The following NEBL variants were observed in gnomAD, a reference collection of about 807,000 sequenced individuals.
NEBL encodes the protein nebulette.
NEBL carries 122 observed loss-of-function variants against 140.2 expected under a neutral mutation model. The ratio of observed to expected loss-of-function variants is 0.87; its 90% CI spans 0.75 to 1.01. NEBL has a LOEUF of 1.01. Ranked by LOEUF, NEBL falls within the 50% of genes least tolerant of loss-of-function variation. The probability of loss-of-function intolerance (pLI) is 0.00; values close to 1 mark genes in which losing one functional copy is unlikely to be tolerated. For synonymous variants in NEBL, 436 were observed against 398.9 expected, an observed-to-expected ratio of 1.09 and a Z score of -1.11; for missense variants, 1,365 against 1,231.3, an observed-to-expected ratio of 1.11 and a Z score of -1.62.
chr10:21,237,115 C>A (rs1842363984), intron 3 of NEBL, among the ~76,000 whole-genome samples: 1 of 152,212 alleles, frequency 6.6e-6, no homozygotes, highest in Non-Finnish European at 1.5e-5. Context: ...CTTAAATAAC[C>A]TCCTCCATAA....
intron 3 of NEBL, among the ~76,000 whole-genome samples, chr10:21,228,791 G>C (rs1002947238): frequency 2.0e-5 from 3 of 152,060 alleles, no homozygotes. Flanking sequence ...TGAAACCTTT[G>C]CCCCAACTGC....
At chr10:20,973,352 A>G (rs1836662364) in intron 3 of NEBL, among the ~76,000 whole-genome samples, 1 of 151,664 alleles carries the variant, frequency 6.6e-6, no homozygotes, top group South Asian at 2.1e-4. Flanking sequence ...AGCTCAAGCA[A>G]TCCTCCCACC....
intron 4 of NEBL, among the ~76,000 whole-genome samples, chr10:20,925,369 C>A (rs1227812537): frequency 6.6e-6 from 1 of 152,070 alleles, no homozygotes; most frequent in Non-Finnish European, 1.5e-5. Flanking sequence ...TAGGAATACT[C>A]TGAAACAGCA....
chr10:21,073,617 C>CA (rs10594967), intron 2 of NEBL, among the ~76,000 whole-genome samples: 793 of 76,222 alleles, frequency 0.01, 6 homozygotes, highest in East Asian at 0.018. Context: ...ACTCTGTCGT[C>CA]AAAAAAAAAA....
At chr10:21,137,572 GGTCT>G (rs1433575267) in intron 2 of NEBL, among the ~76,000 whole-genome samples, 2 of 152,118 alleles carry the variant, frequency 1.3e-5, no homozygotes, top group Admixed American at 6.6e-5. Context: ...ATCCACTCAA[GGTCT>G]TGGTCACTGA....
intron 2 of NEBL, among the ~76,000 whole-genome samples, chr10:21,156,701 T>A (rs1207570764): frequency 6.6e-6 from 1 of 152,064 alleles, no homozygotes; most frequent in Non-Finnish European, 1.5e-5. Flanking sequence ...CATTGCTTAA[T>A]AAAATAATAA....
At chr10:21,102,439 C>G (rs993360833) in intron 2 of NEBL, among the ~76,000 whole-genome samples, 4 of 152,170 alleles carry the variant, frequency 2.6e-5, no homozygotes, top group African/African-American at 9.7e-5. Context: ...TACCCACTAA[C>G]CCAAACCCAG....
intron 3 of NEBL, among the ~76,000 whole-genome samples, chr10:21,242,117 A>G (rs1842447645): frequency 6.6e-6 from 1 of 152,114 alleles, no homozygotes; most frequent in South Asian, 2.1e-4. Flanking sequence ...TGGGAGAATC[A>G]CTTGAGCCTG....
At chr10:20,899,524 G>T, upstream of NEBL, 1 of 793,684 alleles carries the variant, frequency 1.3e-6, no homozygotes, top group Non-Finnish European at 1.7e-6. Flanking sequence ...CGTGCAATGT[G>T]AACACAAATT....
At chr10:20,787,348 G>A (rs770920158) in intron 26 of NEBL, 40 bp from the exon 27 acceptor site, 2 of 1,520,948 alleles carry the variant, frequency 1.3e-6, no homozygotes, top group Admixed American at 3.5e-5. Context: ...ATTCCTTAAA[G>A]TTAGCCTCGA....
chr10:20,930,777 C>G (rs1447064556), intron 4 of NEBL, among the ~76,000 whole-genome samples: 1 of 152,214 alleles, frequency 6.6e-6, no homozygotes, highest in Non-Finnish European at 1.5e-5. Context: ...TTCTAATCCT[C>G]TTTTACCACA....
chr10:21,221,792 C>A (rs1351525080), intron 3 of NEBL, among the ~76,000 whole-genome samples: 1 of 152,130 alleles, frequency 6.6e-6, no homozygotes, highest in East Asian at 1.9e-4. Flanking sequence ...GGCATGATTT[C>A]TTTTCACTTA....
intron 2 of NEBL, among the ~76,000 whole-genome samples, chr10:21,094,658 GA>G (rs1264310938): frequency 2.0e-5 from 3 of 152,092 alleles, no homozygotes; most frequent in African/African-American, 7.2e-5. Context: ...CTCCAGCCTG[GA>G]TTTTTGTTGG....
At chr10:21,117,035 T>C (rs1046066091) in intron 2 of NEBL, among the ~76,000 whole-genome samples, 13 of 152,064 alleles carry the variant, frequency 8.5e-5, no homozygotes, top group Admixed American at 5.9e-4. Context: ...GTGCTGGAGC[T>C]TTTTATTCTT....
rs142764583 is a variant in NEBL at position 20,884,729 on chromosome 10, T to C, written c.369+3368A>G. On this transcript the variant is annotated intron_variant, in intron 4 of 27. Coordinates refer to ENST00000377122, the MANE Select transcript of NEBL (RefSeq NM_006393.3). ...TCCTGTGACCACCGTGGATGAAACATAGACTCTCATTAAGCTGCAGTTCCA... is the reference window on the plus strand; with the variant it reads ...TCCTGTGACCACCGTGGATGAAACACAGACTCTCATTAAGCTGCAGTTCCA... Among the ~76,000 whole-genome samples the C allele has an allele frequency of 4.1e-4, 62 of 152,350 alleles. No homozygotes were observed. The East Asian group carries it at 0.011, about 27-fold the overall frequency.
At chr10:20,938,516 C>G (rs1256008652) in intron 4 of NEBL, among the ~76,000 whole-genome samples, 1 of 152,140 alleles carries the variant, frequency 6.6e-6, no homozygotes, top group Non-Finnish European at 1.5e-5. Flanking sequence ...GCTGAAAATT[C>G]TAAAAATCAG....
intron 2 of NEBL, among the ~76,000 whole-genome samples, chr10:20,892,941 G>C (rs1460016432): frequency 6.6e-6 from 1 of 152,232 alleles, no homozygotes; most frequent in Non-Finnish European, 1.5e-5. Flanking sequence ...ACATAGCTAA[G>C]ATCACTCTCC....
chr10:21,277,993 T>G (rs1842945453), intron 1 of NEBL, among the ~76,000 whole-genome samples: 1 of 152,228 alleles, frequency 6.6e-6, no homozygotes, highest in Non-Finnish European at 1.5e-5. Flanking sequence ...CCCTTGAGGC[T>G]TCGCCTAGTT....
chr10:21,280,894 C>A (rs898873671), intron 1 of NEBL, among the ~76,000 whole-genome samples: 1 of 152,056 alleles, frequency 6.6e-6, no homozygotes, highest in East Asian at 1.9e-4. Context: ...TGATTACAGG[C>A]GTGAGCCACC....
Sources: allele counts gnomAD v4.1 joint callset (sites outside exome capture counted in the v4.1 genomes callset), GRCh38; gene constraint gnomAD v4.1.1; transcripts MANE v1.5; gene names NCBI Gene and HGNC (gene_info 2026-07-23, HGNC 2026-07-21).